NACC2: variants seen among roughly 807,000 people sequenced by gnomAD.
NACC2 encodes nucleus accumbens-associated protein 2.
A neutral mutation model predicts 25.1 loss-of-function variants in NACC2; 8 were observed. The observed-to-expected ratio is 0.32, with a 90% CI of 0.19 to 0.57. The LOEUF is 0.57. NACC2 is among the 20% of genes least tolerant of loss of function. The probability of loss-of-function intolerance (pLI) is 0.89; values close to 1 mark genes in which losing one functional copy is unlikely to be tolerated. For missense variants in NACC2, 644 were observed against 650.2 expected, an observed-to-expected ratio of 0.99 and a Z score of 0.10; for synonymous variants, 435 against 294.7, an observed-to-expected ratio of 1.48 and a Z score of -4.88.
Position 136,011,558 on chromosome 9 carries a change from G to C in NACC2, c.1722C>G (p.Ala574=). 7.1e-7 allele frequency: 1 copy of C among 1,407,490 alleles called. No homozygotes were observed. The allele number at this position is 1,407,490 out of a possible 1,614,324, so 87.2% of individuals were successfully genotyped here. Residue 574 remains alanine (A), a synonymous_variant, in exon 6 of 6, where the codon GCC becomes GCG. Transcript: ENST00000277554. ...AGGTGCCCTCCGGCCTCCGGGCCGC[G>C]GCCGCCGGCGTCTGGGGCCTGCTGG... ...GGPSRPQTPA[A]AARRPEGTYA... is the part of the protein sequence containing the mutation.
At position 136,022,298 on chromosome 9, in the gene NACC2, G is replaced by A. The variant is rs1198230244; in HGVS notation, c.887-5869C>T. On this transcript the variant is annotated intron_variant, in intron 2 of 5. Transcript: ENST00000277554. This position sits in a 1 kb window ranked among gnomAD's most constrained non-coding sequence, Gnocchi z 4.4. ...GGTGCCCCACATGCAGTGGGCCTCG[G>A]GGAGATGACCACACTCTCCACATGG... Among the ~76,000 whole-genome samples the A allele has an allele frequency of 6.6e-6, 1 of 152,210 alleles. No individual in the cohort carries two copies. Among genetic ancestry groups the A allele is most frequent in the Admixed American group, 6.5e-5 (1 of 15,288 alleles).
chr9:136,016,373 G>A lies in NACC2; in HGVS notation c.943C>T (p.Arg315Cys), dbSNP rs778837970. 5 of 1,611,772 alleles carry A rather than the reference G, an allele frequency of 3.1e-6. No homozygotes were observed. Among genetic ancestry groups the A allele is most frequent in the Non-Finnish European group, 4.2e-6 (5 of 1,179,944 alleles). ...CTGGCAGGTAGGGCCACGAGGTCGC[G>A]GCGGATGAGGACGCAGGAGCGGCTC... Reference protein sequence around the residue: ...LESRSCVLIRRDLVALPASLI... With the variant: ...LESRSCVLIRCDLVALPASLI... The change falls in exon 3 of 6, where the codon CGC becomes TGC. Residue 315 changes from arginine to cysteine, a missense_variant. By Grantham distance (180) the Arg-to-Cys change is radical (BLOSUM62 -3). Coordinates refer to ENST00000277554, the MANE Select transcript of NACC2 (RefSeq NM_144653.5).
At chr9:136,034,432 T>C (rs1224334275) in intron 2 of NACC2, among the ~76,000 whole-genome samples, 1 of 152,100 alleles carries the variant, frequency 6.6e-6, no homozygotes, top group Non-Finnish European at 1.5e-5. Context: ...GTTGATTGCT[T>C]TGGAGAGTAT....
rs1840903112 is a variant in NACC2 at position 136,055,053 on chromosome 9, T to C, written c.-59-4473A>G. On this transcript the variant is annotated intron_variant, in intron 1 of 5. Coordinates refer to ENST00000277554, the MANE Select transcript of NACC2 (RefSeq NM_144653.5). The surrounding 1 kb of genome is among the most constrained non-coding windows in gnomAD (Gnocchi z 4.9). ...AGGAATAAGAAAATACAGGTGGCTG[T>C]GGTGTCGGAGTGGGGGGTCTCTCCT... Among the ~76,000 whole-genome samples the C allele has an allele frequency of 6.6e-6, 1 of 152,072 alleles. No homozygotes were observed. The highest frequency in any genetic ancestry group is 1.5e-5 in the Non-Finnish European group (1 of 67,996).
chr9:136,019,044 C>T lies in NACC2; in HGVS notation c.887-2615G>A, dbSNP rs1276455858. 3 of 152,058 alleles carry T rather than the reference C, an allele frequency of 2.0e-5. No individual in the cohort carries two copies. The highest frequency in any genetic ancestry group is 4.4e-5 in the Non-Finnish European group (3 of 68,002). The allele number at this position is 152,058 out of a possible 1,614,324, so 9.4% of individuals were successfully genotyped here. ...ACCAGAGCGGCCAAAAAAGCCTCTT[C>T]TATTTCTGCCTTGCCGTGCACCGGG... is the stretch of plus-strand genomic sequence containing the variant. On this transcript the variant is annotated intron_variant, in intron 2 of 5. Transcript: ENST00000277554. The surrounding 1 kb of genome is among the most constrained non-coding windows in gnomAD (Gnocchi z 5.2).
At chr9:136,041,095 A>AAAGGAAAGGAAGGAAGG (rs1840623538) in intron 2 of NACC2, among the ~76,000 whole-genome samples, 1 of 146,342 alleles carries the variant, frequency 6.8e-6, no homozygotes, top group Admixed American at 6.9e-5. Flanking sequence ...GAAGCAAAGG[A>AAAGGAAAGGAAGGAAGG]AAGGAAAGGA....
At chr9:136,067,604 A>G (rs1841101064) in intron 1 of NACC2, among the ~76,000 whole-genome samples, 1 of 143,778 alleles carries the variant, frequency 7.0e-6, no homozygotes, top group Non-Finnish European at 1.6e-5. Flanking sequence ...TTGGGAAGCC[A>G]AGGCGGGCAG....
At chr9:136,063,749 G>C (rs974475931) in intron 1 of NACC2, among the ~76,000 whole-genome samples, 2 of 152,006 alleles carry the variant, frequency 1.3e-5, no homozygotes, top group African/African-American at 2.4e-5. Flanking sequence ...CAGGTGTGGT[G>C]GTGGGCGCCT....
At chr9:136,081,488 C>A (rs547345635) in intron 1 of NACC2, among the ~76,000 whole-genome samples, 4 of 152,384 alleles carry the variant, frequency 2.6e-5, no homozygotes, top group Non-Finnish European at 4.4e-5. Context: ...CGGTGCCGGG[C>A]GTCCGCTTCC....
At chr9:136,016,201 A>G (rs1840200786) in intron 3 of NACC2, 64 bp downstream of exon 3, 6 of 1,487,218 alleles carry the variant, frequency 4.0e-6, no homozygotes, top group Admixed American at 3.6e-5. Flanking sequence ...GAGCTCTCCA[A>G]TAAATAAATA....
In NACC2 at chr9:136,016,412, G is replaced by A; in HGVS notation, c.904C>T (p.Pro302Ser). 6.2e-7 allele frequency: 1 copy of A among 1,611,018 alleles called. No individual in the cohort carries two copies. Among genetic ancestry groups the A allele is most frequent in the Non-Finnish European group, 8.5e-7 (1 of 1,179,730 alleles). The part of the protein sequence containing the change: ...GSYAVQEKPE[P>S]VPLESRSCVL... ...CAGGAGCGGCTCTCCAGCGGCACTGGCTCAGGCTTCTCTTGCACTGTGGGC... is the reference window on the plus strand; with the variant it reads ...CAGGAGCGGCTCTCCAGCGGCACTGACTCAGGCTTCTCTTGCACTGTGGGC... The change falls in exon 3 of 6, where the codon CCA becomes TCA. Residue 302 changes from proline (P) to serine (S), a missense_variant. Pro to Ser is a moderately conservative substitution (Grantham distance 74, BLOSUM62 -1). Coordinates refer to ENST00000277554, the MANE Select transcript of NACC2 (RefSeq NM_144653.5).
intron 2 of NACC2, among the ~76,000 whole-genome samples, chr9:136,048,034 C>A (rs1232866019): frequency 6.6e-6 from 1 of 152,240 alleles, no homozygotes; most frequent in Non-Finnish European, 1.5e-5. Context: ...CTCCATGGTG[C>A]AGCTCCCTGA....
At chr9:136,021,321 G>A (rs1395785590) in intron 2 of NACC2, among the ~76,000 whole-genome samples, 1 of 148,868 alleles carries the variant, frequency 6.7e-6, no homozygotes, top group Non-Finnish European at 1.5e-5. Context: ...ATCAAGCCAT[G>A]TTGCGGTCCC....
chr9:136,076,637 T>G (rs893290476), intron 1 of NACC2, among the ~76,000 whole-genome samples: 1 of 152,182 alleles, frequency 6.6e-6, no homozygotes, highest in Non-Finnish European at 1.5e-5. Context: ...ATGGGAATGT[T>G]CTTACTGCCA....
chr9:136,074,903 G>A (rs1483438797), intron 1 of NACC2, among the ~76,000 whole-genome samples: 1 of 152,226 alleles, frequency 6.6e-6, no homozygotes, highest in African/African-American at 2.4e-5. Flanking sequence ...CAGGGCCGGG[G>A]GATGCTGGCG....
chr9:136,082,002 G>T (rs1267262857), intron 1 of NACC2, among the ~76,000 whole-genome samples: 1 of 152,174 alleles, frequency 6.6e-6, no homozygotes, highest in Non-Finnish European at 1.5e-5. Flanking sequence ...TGCAGCAAAG[G>T]CCAATCTGCC....
chr9:136,012,870 G>A (rs959540679), intron 5 of NACC2, among the ~76,000 whole-genome samples: 5 of 152,178 alleles, frequency 3.3e-5, no homozygotes, highest in Admixed American at 1.3e-4. Context: ...GAAGCCGGCC[G>A]AACAGATGGC....
chr9:136,051,795 C>T (rs1481318251), intron 1 of NACC2, among the ~76,000 whole-genome samples: 1 of 152,112 alleles, frequency 6.6e-6, no homozygotes, highest in Non-Finnish European at 1.5e-5. Flanking sequence ...GCTCCCCGCA[C>T]GCAGCCCGCC....
chr9:136,018,266 GGGGGGCTGCCAA>G lies in NACC2; in HGVS notation c.887-1849_887-1838del, dbSNP rs924375680. Among the ~76,000 whole-genome samples the G allele has an allele frequency of 6.6e-6, 1 of 152,042 alleles. No homozygotes were observed. Among genetic ancestry groups the G allele is most frequent in the Non-Finnish European group, 1.5e-5 (1 of 67,994 alleles). ...AGGGGTGGCTGAGCCTCGGGGCGTG[GGGGGGCTGCCAA>G]GGGGGCTGCTGGGGAGCAGCCTGAG... On this transcript the variant is annotated intron_variant, in intron 2 of 5. Coordinates refer to ENST00000277554, the MANE Select transcript of NACC2 (RefSeq NM_144653.5). The surrounding 1 kb of genome is among the most constrained non-coding windows in gnomAD (Gnocchi z 4.4).
Sources: allele counts gnomAD v4.1 joint callset (sites outside exome capture counted in the v4.1 genomes callset), GRCh38; gene constraint gnomAD v4.1.1; non-coding constraint Gnocchi (gnomAD v3.1); transcripts MANE v1.5; gene names NCBI Gene and HGNC (gene_info 2026-07-23, HGNC 2026-07-21).